The following ADCYAP1 variants were observed in gnomAD, a reference collection of about 807,000 sequenced individuals.
ADCYAP1 encodes pituitary adenylate cyclase-activating polypeptide.
Under a neutral mutation model 18.5 loss-of-function variants are expected in ADCYAP1, and 6 were observed. That is an observed-to-expected ratio of 0.32 (90% CI 0.18 to 0.64). The LOEUF (loss-of-function observed/expected upper bound fraction) is 0.64. ADCYAP1 is among the 30% of genes least tolerant of loss of function. ADCYAP1 has a pLI of 0.77. For missense variants in ADCYAP1, 314 were observed against 253.6 expected (o/e 1.24, Z -1.62); for synonymous variants, 136 against 113.9 (o/e 1.19, Z -1.24).
intron 4 of ADCYAP1, 109 bp downstream of exon 4, chr18:908,472 C>A: frequency 1.1e-6 from 1 of 872,804 alleles, no homozygotes; most frequent in South Asian, 1.8e-5. Context: ...GAGTCTGCGC[C>A]CCTGGGTCTG....
rs1448502396 is a variant in ADCYAP1 at position 904,961 on chromosome 18, G to T, written c.-101G>T. 2 of 1,291,452 alleles carry T rather than the reference G, an allele frequency of 1.5e-6. No homozygotes were observed. The highest frequency in any genetic ancestry group is 2.5e-5 in the South Asian group (2 of 81,026). 80.0% of individuals were successfully genotyped at this position (1,291,452 alleles called of 1,614,324 possible). On this transcript the variant is annotated 5_prime_UTR_variant, in exon 1 of 5. Transcript: ENST00000450565. The stretch of plus-strand genomic sequence containing the variant: ...TCTGCTCAGACACCAACGCCAGACG[G>T]CGATGCCTCTCGGGTGGTGACTCCA...
intron 2 of ADCYAP1, chr18:907,448 G>A: frequency 2.1e-6 from 1 of 482,074 alleles, no homozygotes; most frequent in Non-Finnish European, 3.5e-6. Context: ...CGAAGGGGGG[G>A]TGGGCGGGCC....
chr18:909,522 A>G lies in ADCYAP1; in HGVS notation c.418A>G (p.Ser140Gly). ...KRHSDGIFTD[S>G]YSRYRKQMAV... ...CCACTCGGACGGGATCTTCACGGAC[A>G]GCTACAGCCGCTACCGGAAACAAAT... Residue 140 changes from serine to glycine, a missense_variant, in exon 5 of 5, where the codon AGC (serine) becomes GGC (glycine). Coordinates refer to ENST00000450565, the MANE Select transcript of ADCYAP1 (RefSeq NM_001099733.2). 1 of 1,614,122 alleles carries G rather than the reference A, an allele frequency of 6.2e-7. No homozygotes were observed. Among genetic ancestry groups the G allele is most frequent in the Non-Finnish European group, 8.5e-7 (1 of 1,180,022 alleles).
chr18:904,663 C>T (rs1909087887), upstream of ADCYAP1: 2 of 1,223,722 alleles, frequency 1.6e-6, no homozygotes, highest in Admixed American at 6.6e-5. Flanking sequence ...TAGCCGCCCG[C>T]CCTCTCCCTT....
chr18:906,222 C>G (rs1909165347), intron 2 of ADCYAP1: 1 of 152,220 alleles, frequency 6.6e-6, no homozygotes, highest in South Asian at 2.1e-4. Context: ...CCTGCCTGGC[C>G]CGGGATGGAG....
chr18:905,629 C>T, intron 2 of ADCYAP1, 133 bp downstream of exon 2: 2 of 1,087,436 alleles, frequency 1.8e-6, no homozygotes, highest in South Asian at 1.6e-5. Context: ...TGCGCCTCCG[C>T]CAGCCTCGGC....
chr18:908,408 G>C, intron 4 of ADCYAP1, 45 bp downstream of exon 4: 2 of 1,551,962 alleles, frequency 1.3e-6, no homozygotes, highest in Non-Finnish European at 1.8e-6. Flanking sequence ...CGGGGTGGGT[G>C]CCTGTGCGGG....
chr18:907,632 C>T (rs989038107), intron 2 of ADCYAP1, 27 bp from the exon 3 acceptor site: 1 of 1,577,422 alleles, frequency 6.3e-7, no homozygotes, highest in Non-Finnish European at 8.5e-7. Flanking sequence ...GCACTGACCA[C>T]ACCTTCTGTC....
At chr18:908,645 A>G (rs1365277024) in intron 4 of ADCYAP1, among the ~76,000 whole-genome samples, 1 of 152,116 alleles carries the variant, frequency 6.6e-6, no homozygotes, top group Non-Finnish European at 1.5e-5. Context: ...GTCATCCAAA[A>G]CCTTCAGGCT....
chr18:908,257 C>T lies in ADCYAP1; in HGVS notation c.243-8C>T. 12 of 1,609,526 alleles carry T rather than the reference C, an allele frequency of 7.5e-6. No individual in the cohort carries two copies. Among genetic ancestry groups the T allele is most frequent in the Non-Finnish European group, 1.0e-5 (12 of 1,177,568 alleles). On this transcript the variant is annotated splice_region_variant and splice_polypyrimidine_tract_variant and intron_variant, in intron 3 of 4. Coordinates refer to ENST00000450565, the MANE Select transcript of ADCYAP1 (RefSeq NM_001099733.2). ...TGACCCTGGGCGCGCACTTTGCCTC[C>T]CCGTTAGAGATGTCGCCCACGGGAT...
In ADCYAP1 at chr18:909,747, A is replaced by G. The variant is rs1402626370; in HGVS notation, c.*112A>G. 7 of 919,408 alleles carry G rather than the reference A, an allele frequency of 7.6e-6. No individual in the cohort carries two copies. The highest frequency in any genetic ancestry group is 1.1e-5 in the Non-Finnish European group (7 of 628,872). The allele number at this position is 919,408 out of a possible 1,614,324, so 57.0% of individuals were successfully genotyped here. A position where few individuals can be genotyped will look rare whatever the true frequency, so the allele number is the denominator to read the frequency against. Reference sequence around the variant, plus strand: ...GTTCTATCCAAACATGTATTTATGTAATGAAGTAAAGCCATTAAATGAATA... The same window carrying G: ...GTTCTATCCAAACATGTATTTATGTGATGAAGTAAAGCCATTAAATGAATA... On this transcript the variant is annotated 3_prime_UTR_variant, in exon 5 of 5. Transcript: ENST00000450565.
chr18:905,929 A>C, intron 2 of ADCYAP1: 1 of 189,292 alleles, frequency 5.3e-6, no homozygotes, highest in South Asian at 1.3e-4. Context: ...CTTGTTCTGG[A>C]CTATCCGGGT....
At chr18:906,820 C>A (rs979028565) in intron 2 of ADCYAP1, among the ~76,000 whole-genome samples, 4 of 152,244 alleles carry the variant, frequency 2.6e-5, no homozygotes, top group African/African-American at 4.8e-5. Flanking sequence ...AGGGCGACTG[C>A]GAAGTCGCCA....
chr18:907,676 A>T lies in ADCYAP1; in HGVS notation c.128A>T (p.Tyr43Phe), dbSNP rs1909222204. 1 of 1,575,572 alleles carries T rather than the reference A, an allele frequency of 6.3e-7. No individual in the cohort carries two copies. The highest frequency in any genetic ancestry group is 1.1e-5 in the South Asian group (1 of 87,300). The change falls in exon 3 of 5, where the codon TAC becomes TTC. Residue 43 changes from tyrosine (Y) to phenylalanine (F), a missense_variant. Tyr to Phe is a conservative substitution (Grantham distance 22, BLOSUM62 3). Coordinates refer to ENST00000450565, the MANE Select transcript of ADCYAP1 (RefSeq NM_001099733.2). ...FPGIRPEEEA[Y>F]GEDGNPLPDF... ...CCCCGCAGGCCAGAGGAAGAGGCGT[A>T]CGGCGAGGACGGAAACCCGCTGCCA... is the stretch of plus-strand genomic sequence containing the variant.
intron 2 of ADCYAP1, chr18:906,800 G>A (rs753648921): frequency 2.6e-5 from 4 of 152,288 alleles, no homozygotes; most frequent in Non-Finnish European, 5.9e-5. Context: ...GTCAAGAACG[G>A]AGGCTGTAGA....
chr18:908,249 T>G lies in ADCYAP1; in HGVS notation c.243-16T>G, dbSNP rs779263517. On this transcript the variant is annotated splice_polypyrimidine_tract_variant and intron_variant, in intron 3 of 4. Transcript: ENST00000450565. ...AGAAACAGTGACCCTGGGCGCGCAC[T>G]TTGCCTCCCCGTTAGAGATGTCGCC... is the stretch of plus-strand genomic sequence containing the variant. 4 of 1,606,124 alleles carry G rather than the reference T, an allele frequency of 2.5e-6. No individual in the cohort carries two copies. Among genetic ancestry groups the G allele is most frequent in the Non-Finnish European group, 3.4e-6 (4 of 1,175,038 alleles).
At chr18:905,697 G>A in intron 2 of ADCYAP1, 1 of 642,572 alleles carries the variant, frequency 1.6e-6, no homozygotes, top group Non-Finnish European at 2.6e-6. Context: ...CTGCTCGGAC[G>A]CCTCCCCCAG....
At chr18:905,754 G>T (rs1369579172) in intron 2 of ADCYAP1, 1 of 509,756 alleles carries the variant, frequency 2.0e-6, no homozygotes, top group Non-Finnish European at 3.5e-6. Context: ...GCTTCTGGCC[G>T]CTGGAGAACC....
chr18:905,610 C>A (rs890490675), intron 2 of ADCYAP1, 114 bp downstream of exon 2: 7 of 1,245,200 alleles, frequency 5.6e-6, no homozygotes, highest in South Asian at 2.9e-5. Context: ...TCGCCCTCTG[C>A]GCCCCCGGTG....
Sources: allele counts gnomAD v4.1 joint callset (sites outside exome capture counted in the v4.1 genomes callset), GRCh38; gene constraint gnomAD v4.1.1; transcripts MANE v1.5; gene names NCBI Gene and HGNC (gene_info 2026-07-23, HGNC 2026-07-21).